The following TP53INP2 variants were observed in gnomAD, a reference collection of about 807,000 sequenced individuals.
TP53INP2 encodes the protein tumor protein p53 inducible nuclear protein 2.
In TP53INP2, 12 loss-of-function variants were observed where a neutral mutation model predicts 17.1. The ratio of observed to expected loss-of-function variants is 0.70; its 90% confidence interval spans 0.45 to 1.14. The LOEUF (loss-of-function observed/expected upper bound fraction) is 1.14, where lower values mean the gene tolerates loss of function less well. Ranked by LOEUF, TP53INP2 falls within the 50% of genes most tolerant of loss-of-function variation. TP53INP2 has a pLI of 0.00. For synonymous variants in TP53INP2, 145 were observed against 147.3 expected (o/e 0.98, Z 0.12); for missense variants, 342 against 330.9 (o/e 1.03, Z -0.26).
At chr20:34,705,911 C>T (rs1408141184) in intron 2 of TP53INP2, among the ~76,000 whole-genome samples, 1 of 152,140 alleles carries the variant, frequency 6.6e-6, no homozygotes, top group Non-Finnish European at 1.5e-5. Flanking sequence ...ATCTGGGAGG[C>T]TCCCCAAGTG....
In TP53INP2 at chr20:34,710,375, G is replaced by C. The variant is rs1378712463; in HGVS notation, c.*68G>C. 8.0e-7 allele frequency: 1 copy of C among 1,257,846 alleles called. No individual in the cohort carries two copies. Among genetic ancestry groups the C allele is most frequent in the Non-Finnish European group, 1.0e-6 (1 of 996,186 alleles). The allele number at this position is 1,257,846 out of a possible 1,614,324, so 77.9% of individuals were successfully genotyped here. On this transcript the variant is annotated 3_prime_UTR_variant, in exon 5 of 5. Transcript: ENST00000374810. This position sits in a 1 kb window ranked among gnomAD's most constrained non-coding sequence, Gnocchi z 4.9. ...CCTGTCGGGCTCCTCCGACTCCTCG[G>C]GCTGGACACCGAAACCTCCCTTCTT... is the stretch of plus-strand genomic sequence containing the variant.
At position 34,709,844 on chromosome 20, in the gene TP53INP2, G is replaced by C. The variant is rs1287405631; in HGVS notation, c.414-214G>C. On this transcript the variant is annotated intron_variant, in intron 4 of 4. Coordinates refer to ENST00000374810, the MANE Select transcript of TP53INP2 (RefSeq NM_021202.3). This position sits in a 1 kb window ranked among gnomAD's most constrained non-coding sequence, Gnocchi z 5.4. ...AAACAGAAAGGCAAGGGTGGAATAG[G>C]GGGTGGGGGTCCAGTCTCCCCCGAG... 6.6e-6 allele frequency among the ~76,000 whole-genome samples: 1 copy of C among 152,110 alleles called. No individual in the cohort carries two copies. The highest frequency in any genetic ancestry group is 2.4e-5 in the African/African-American group (1 of 41,414).
rs1215065865 is a variant in TP53INP2 at position 34,712,664 on chromosome 20, T to TA, written c.*2360dup. The TA allele has an allele frequency of 1.3e-5, 2 of 152,644 alleles. No individual in the cohort carries two copies. The highest frequency in any genetic ancestry group is 1.3e-4 in the Admixed American group (2 of 15,282). 9.5% of individuals were successfully genotyped at this position (152,644 alleles called of 1,614,324 possible). On this transcript the variant is annotated 3_prime_UTR_variant, in exon 5 of 5. Transcript: ENST00000374810. Reference sequence around the variant, plus strand: ...TTGAGCATGCTTCAGGATTTTTTTTTAAACCACAGAACTTGAATACATGAG... The same window carrying TA: ...TTGAGCATGCTTCAGGATTTTTTTTTAAAACCACAGAACTTGAATACATGAG...
chr20:34,708,821 G>C lies in TP53INP2; in HGVS notation c.82G>C (p.Glu28Gln), dbSNP rs777459626. The C allele has an allele frequency of 3.1e-6, 5 of 1,614,056 alleles. No individual in the cohort carries two copies. The highest frequency in any genetic ancestry group is 3.3e-5 in the Admixed American group (2 of 60,018). ...DPDCPRAFVS[E>Q]EDEVDGWLII... Reference sequence around the variant, plus strand: ...CGACTGCCCCCGCGCCTTCGTGTCGGAGGAGGATGAAGTGGACGGCTGGCT... The same window carrying C: ...CGACTGCCCCCGCGCCTTCGTGTCGCAGGAGGATGAAGTGGACGGCTGGCT... Residue 28 changes from glutamate (E) to glutamine (Q), a missense_variant, in exon 3 of 5, where the codon GAG becomes CAG. Coordinates refer to ENST00000374810, the MANE Select transcript of TP53INP2 (RefSeq NM_021202.3).
intron 2 of TP53INP2, among the ~76,000 whole-genome samples, chr20:34,707,105 G>C (rs564242464): frequency 6.6e-6 from 1 of 152,240 alleles, no homozygotes; most frequent in East Asian, 1.9e-4. Context: ...GCTTACCTCG[G>C]TCTGGGTCCA....
chr20:34,710,143 G>A lies in TP53INP2; in HGVS notation c.499G>A (p.Gly167Ser), dbSNP rs928136953. The change falls in exon 5 of 5, where the codon GGC becomes AGC. Residue 167 changes from glycine (G) to serine (S), a missense_variant. Coordinates refer to ENST00000374810, the MANE Select transcript of TP53INP2 (RefSeq NM_021202.3). This position sits in a 1 kb window ranked among gnomAD's most constrained non-coding sequence, Gnocchi z 4.9. ...GCGGGCGGCGCTGCTGGAGAAGGCG[G>A]GCCAGGTGCGGCGGCTGCAGCGGGC... ...PARAALLEKA[G>S]QVRRLQRARQ... The A allele has an allele frequency of 2.4e-6, 3 of 1,273,352 alleles. No individual in the cohort carries two copies. Among genetic ancestry groups the A allele is most frequent in the Middle Eastern group, 2.1e-4 (1 of 4,662 alleles). 78.9% of individuals were successfully genotyped at this position (1,273,352 alleles called of 1,614,324 possible).
intron 2 of TP53INP2, 28 bp from the exon 3 acceptor site, chr20:34,708,663 G>A: frequency 1.4e-6 from 2 of 1,424,836 alleles, no homozygotes; most frequent in Admixed American, 2.0e-5. Flanking sequence ...TCAATCAGTG[G>A]TGGCTCTCAC....
intron 2 of TP53INP2, among the ~76,000 whole-genome samples, chr20:34,705,836 A>T (rs745817896): frequency 1.2e-4 from 18 of 152,122 alleles, no homozygotes; most frequent in Admixed American, 9.8e-4. Flanking sequence ...ATTAAAGGGA[A>T]TGGTTCTCCC....
intron 2 of TP53INP2, among the ~76,000 whole-genome samples, chr20:34,708,399 G>A (rs1001804506): frequency 1.3e-5 from 2 of 151,830 alleles, no homozygotes; most frequent in South Asian, 2.1e-4. Flanking sequence ...ACTATTATTA[G>A]CTTATTTAAT....
rs1988103811 is a variant in TP53INP2, at chr20:34,709,463, G to C, written c.352G>C (p.Glu118Gln). ...VYVTGSTIVL[E>Q]PGSPSPLPDA... The stretch of plus-strand genomic sequence containing the variant: ...CGTCACCGGCAGCACCATAGTGCTA[G>C]AGCCCGGGTCCCCTTCCCCGCTCCC... Residue 118 changes from glutamate (E) to glutamine (Q), a missense_variant, in exon 4 of 5, where the codon GAG becomes CAG. Transcript: ENST00000374810. The surrounding 1 kb of genome is among the most constrained non-coding windows in gnomAD (Gnocchi z 5.4). 1 of 1,613,440 alleles carries C rather than the reference G, an allele frequency of 6.2e-7. No individual in the cohort carries two copies. Among genetic ancestry groups the C allele is most frequent in the Non-Finnish European group, 8.5e-7 (1 of 1,179,864 alleles).
In TP53INP2 at chr20:34,708,781, G is replaced by T. The variant is rs1555807407; in HGVS notation, c.42G>T (p.Ser14=). 6.2e-7 allele frequency: 1 copy of T among 1,604,796 alleles called. No homozygotes were observed. ...RLSSLFFSTP[S]PPEDPDCPRA... ...CCAGCCTCTTCTTCAGCACCCCCTCGCCCCCCGAAGACCCCGACTGCCCCC... is the reference window on the plus strand; with the variant it reads ...CCAGCCTCTTCTTCAGCACCCCCTCTCCCCCCGAAGACCCCGACTGCCCCC... Residue 14 remains serine (S), a synonymous_variant, in exon 3 of 5, where the codon TCG becomes TCT. Transcript: ENST00000374810.
At chr20:34,708,955 G>A in intron 3 of TP53INP2, 92 bp downstream of exon 3, 2 of 1,524,162 alleles carry the variant, frequency 1.3e-6, no homozygotes, top group East Asian at 4.6e-5. Flanking sequence ...GGGGGACGGG[G>A]GAGTCCCCCA....
rs748290119 is a variant in TP53INP2 at position 34,708,717 on chromosome 20, CG to C, written c.-22del. The C allele has an allele frequency of 2.1e-5, 32 of 1,560,210 alleles. No homozygotes were observed. The highest frequency in any genetic ancestry group is 2.3e-5 in the Non-Finnish European group (27 of 1,154,506). ...TTTTTGCACTGCCATAGGGCGCCCC[CG>C]TGAGGCGCTTCGCCCCCCACCATGT... is the stretch of plus-strand genomic sequence containing the variant. On this transcript the variant is annotated 5_prime_UTR_variant, in exon 3 of 5. Coordinates refer to ENST00000374810, the MANE Select transcript of TP53INP2 (RefSeq NM_021202.3).
At chr20:34,708,952 G>A (rs1053136281) in intron 3 of TP53INP2, 89 bp downstream of exon 3, 45 of 1,525,380 alleles carry the variant, frequency 3.0e-5, no homozygotes, top group Non-Finnish European at 3.6e-5. Flanking sequence ...GCTGGGGGAC[G>A]GGGGAGTCCC....
Position 34,709,243 on chromosome 20 carries a change from C to CGCGGCTCCACCCAGCCCCGGG in TP53INP2, c.135_155dup (p.Pro48_Pro54dup). 6.4e-7 allele frequency: 1 copy of CGCGGCTCCACCCAGCCCCGGG among 1,562,096 alleles called. No individual in the cohort carries two copies. Among genetic ancestry groups the CGCGGCTCCACCCAGCCCCGGG allele is most frequent in the South Asian group, 1.2e-5 (1 of 86,198 alleles). Reference sequence around the variant, plus strand: ...CCATCCCGCGCCCCGTAGACAGCTACGCGGCTCCACCCAGCCCCGGGGCCG... The same window carrying CGCGGCTCCACCCAGCCCCGGG: ...CCATCCCGCGCCCCGTAGACAGCTACGCGGCTCCACCCAGCCCCGGGGCGGCTCCACCCAGCCCCGGGGCCG... On this transcript the variant is annotated inframe_insertion, in exon 4 of 5. Transcript: ENST00000374810. The surrounding 1 kb of genome is among the most constrained non-coding windows in gnomAD (Gnocchi z 5.4).
intron 2 of TP53INP2, among the ~76,000 whole-genome samples, chr20:34,708,455 C>T (rs1568684021): frequency 6.6e-6 from 1 of 151,900 alleles, no homozygotes; most frequent in African/African-American, 2.4e-5. Flanking sequence ...TGTCTTTTGA[C>T]AGATGAGAAA....
At position 34,704,408 on chromosome 20, in the gene TP53INP2, C is replaced by A. The variant is rs1486137318; in HGVS notation, c.-271C>A. The A allele has an allele frequency of 2.6e-5, 4 of 152,016 alleles. No homozygotes were observed. Among genetic ancestry groups the A allele is most frequent in the Non-Finnish European group, 4.4e-5 (3 of 68,022 alleles). The allele number at this position is 152,016 out of a possible 1,614,324, so 9.4% of individuals were successfully genotyped here. On this transcript the variant is annotated 5_prime_UTR_variant, in exon 1 of 5. Transcript: ENST00000374810. ...GAGCGACCGCGGCCCCGCCGCCTCC[C>A]CCGCGAGTCCCGGCGATGCGGCCCG...
In TP53INP2 at chr20:34,709,680, C is replaced by A. The variant is rs761119667; in HGVS notation, c.413+156C>A. Among the ~76,000 whole-genome samples the A allele has an allele frequency of 2.6e-5, 4 of 152,002 alleles. No homozygotes were observed. The highest frequency in any genetic ancestry group is 5.9e-5 in the Non-Finnish European group (4 of 67,982). On this transcript the variant is annotated intron_variant, in intron 4 of 4. Coordinates refer to ENST00000374810, the MANE Select transcript of TP53INP2 (RefSeq NM_021202.3). The surrounding 1 kb of genome is among the most constrained non-coding windows in gnomAD (Gnocchi z 5.4). ...GTTGCCTTTGAGACAAAGTGGGGGG[C>A]CGGTGGGCCTCCGGGCGAGGCTAGA...
At position 34,710,328 on chromosome 20, in the gene TP53INP2, G is replaced by A; in HGVS notation, c.*21G>A. ...ACTGAGCGTCCACCGGCCGCGCCAC[G>A]AACCCCTTGCCGATCCCGATCCCTG... On this transcript the variant is annotated 3_prime_UTR_variant, in exon 5 of 5. Transcript: ENST00000374810. This position sits in a 1 kb window ranked among gnomAD's most constrained non-coding sequence, Gnocchi z 4.9. The A allele has an allele frequency of 7.5e-7, 1 of 1,341,150 alleles. No individual in the cohort carries two copies. The highest frequency in any genetic ancestry group is 2.8e-5 in the East Asian group (1 of 35,326). 83.1% of individuals were successfully genotyped at this position (1,341,150 alleles called of 1,614,324 possible). A position where few individuals can be genotyped will look rare whatever the true frequency, so the allele number is the denominator to read the frequency against.
Sources: allele counts gnomAD v4.1 joint callset (sites outside exome capture counted in the v4.1 genomes callset), GRCh38; gene constraint gnomAD v4.1.1; non-coding constraint Gnocchi (gnomAD v3.1); transcripts MANE v1.5; gene names NCBI Gene and HGNC (gene_info 2026-07-23, HGNC 2026-07-21).